Variants in DOCK4 observed in about 807,000 individuals in gnomAD.
DOCK4 encodes the protein dedicator of cytokinesis 4.
In DOCK4, 97 loss-of-function variants were observed where a neutral mutation model predicts 268.1. The observed-to-expected ratio is 0.36, with a 90% CI of 0.31 to 0.43. The LOEUF (loss-of-function observed/expected upper bound fraction) is 0.43. Among genes scored for constraint, DOCK4 ranks in the 20% least tolerant of loss-of-function variants. DOCK4 has a pLI of 1.00. For missense variants in DOCK4, 2,145 were observed against 2,455.7 expected, an observed-to-expected ratio of 0.87 and a Z score of 2.67; for synonymous variants, 954 against 887.2, an observed-to-expected ratio of 1.08 and a Z score of -1.34.
intron 1 of DOCK4, among the ~76,000 whole-genome samples, chr7:112,129,512 A>G (rs1434995262): frequency 3.9e-5 from 6 of 152,152 alleles, no homozygotes. Flanking sequence ...ACACACACAC[A>G]TTAGTGTGTG....
intron 27 of DOCK4, among the ~76,000 whole-genome samples, chr7:111,813,833 T>G (rs1192548913): frequency 6.6e-6 from 1 of 152,214 alleles, no homozygotes; most frequent in African/African-American, 2.4e-5. Context: ...TATATGAAAC[T>G]GAAGCTGAAT....
At chr7:111,844,248 C>T (rs1803920478) in intron 25 of DOCK4, among the ~76,000 whole-genome samples, 1 of 152,198 alleles carries the variant, frequency 6.6e-6, no homozygotes, top group South Asian at 2.1e-4. Flanking sequence ...CGCACTCCAA[C>T]CTGGGAGACA....
intron 1 of DOCK4, among the ~76,000 whole-genome samples, chr7:112,149,512 T>A (rs571778277): frequency 6.8e-6 from 1 of 146,710 alleles, no homozygotes; most frequent in South Asian, 2.1e-4. Flanking sequence ...TAAAGAGGTT[T>A]AAAAAAAAAA....
chr7:111,900,698 G>A (rs770899578), intron 14 of DOCK4, among the ~76,000 whole-genome samples, 162 bp from the exon 15 acceptor site: 92 of 152,200 alleles, frequency 6.0e-4, no homozygotes, highest in Non-Finnish European at 1.2e-3. Flanking sequence ...GCTGCTTAGC[G>A]GGGTGTATCT....
At chr7:112,064,873 G>A (rs749513205) in intron 1 of DOCK4, among the ~76,000 whole-genome samples, 9 of 152,166 alleles carry the variant, frequency 5.9e-5, no homozygotes, top group Non-Finnish European at 8.8e-5. Context: ...TATGTACACA[G>A]AGGGAGAACC....
intron 13 of DOCK4, among the ~76,000 whole-genome samples, chr7:111,904,021 A>C (rs1485944137): frequency 6.6e-6 from 1 of 152,292 alleles, no homozygotes; most frequent in African/African-American, 2.4e-5. Flanking sequence ...ATAAAGACTA[A>C]GTGTTTCTTG....
Position 111,746,316 on chromosome 7 carries a change from G to T in DOCK4, c.4677+18C>A. ...TATCCAGGCAAAATAGAAGGGGGTTGGCTTCTGCTTCCCTTACCTGCTCAA... is the reference window on the plus strand; with the variant it reads ...TATCCAGGCAAAATAGAAGGGGGTTTGCTTCTGCTTCCCTTACCTGCTCAA... On this transcript the variant is annotated intron_variant, in intron 44 of 52. Transcript: ENST00000428084. 6.2e-7 allele frequency: 1 copy of T among 1,604,980 alleles called. No individual in the cohort carries two copies.
chr7:111,821,239 G>C (rs1255102158), intron 27 of DOCK4: 4 of 152,104 alleles, frequency 2.6e-5, no homozygotes, highest in African/African-American at 9.7e-5. Flanking sequence ...CACCATCAAA[G>C]CTTGCCATCT....
chr7:111,864,239 TA>T (rs1390232658), intron 22 of DOCK4, among the ~76,000 whole-genome samples: 2 of 125,292 alleles, frequency 1.6e-5, no homozygotes, highest in African/African-American at 3.4e-5. Flanking sequence ...ACAATATTTT[TA>T]TGTAAAAAAA....
chr7:112,146,781 C>T (rs7782519), intron 1 of DOCK4, among the ~76,000 whole-genome samples: 22,261 of 152,084 alleles, frequency 0.15, 2,141 homozygotes, highest in Non-Finnish European at 0.22. Context: ...ATCTAGGAGG[C>T]TTCGATATCT....
At chr7:112,126,620 C>A (rs1349900642) in intron 1 of DOCK4, among the ~76,000 whole-genome samples, 1 of 152,138 alleles carries the variant, frequency 6.6e-6, no homozygotes, top group African/African-American at 2.4e-5. Flanking sequence ...AGTCAACAGG[C>A]AACCTACAAA....
At chr7:112,106,758 C>G (rs1291538677) in intron 1 of DOCK4, among the ~76,000 whole-genome samples, 4 of 152,108 alleles carry the variant, frequency 2.6e-5, no homozygotes, top group Non-Finnish European at 5.9e-5. Context: ...ATGAAGATTC[C>G]TGTGCGGATT....
At chr7:112,037,621 T>G (rs993340521) in intron 1 of DOCK4, among the ~76,000 whole-genome samples, 7 of 152,256 alleles carry the variant, frequency 4.6e-5, no homozygotes, top group Non-Finnish European at 7.3e-5. Flanking sequence ...ATTGTGTATA[T>G]TAATAGTCCT....
chr7:112,102,629 G>A (rs1810800410), intron 1 of DOCK4, among the ~76,000 whole-genome samples: 1 of 152,084 alleles, frequency 6.6e-6, no homozygotes, highest in African/African-American at 2.4e-5. Flanking sequence ...AACATGTGAG[G>A]ACACAGTGAG....
chr7:111,913,712 AT>A (rs754312104), intron 13 of DOCK4, among the ~76,000 whole-genome samples: 582 of 137,266 alleles, frequency 4.2e-3, no homozygotes, highest in South Asian at 0.016. Context: ...CCCGGCCACA[AT>A]TTTTTTTTTT....
intron 16 of DOCK4, among the ~76,000 whole-genome samples, chr7:111,892,313 G>A (rs1330928168): frequency 6.6e-6 from 1 of 152,138 alleles, no homozygotes; most frequent in Non-Finnish European, 1.5e-5. Context: ...CAATCCTCCT[G>A]CCTCAGCCTC....
At chr7:112,164,814 T>C (rs1817447288) in intron 1 of DOCK4, among the ~76,000 whole-genome samples, 1 of 152,228 alleles carries the variant, frequency 6.6e-6, no homozygotes, top group Non-Finnish European at 1.5e-5. Flanking sequence ...AAGGCTTAAA[T>C]ACCTAGTAAG....
chr7:111,734,740 T>G (rs1418987016), intron 51 of DOCK4, among the ~76,000 whole-genome samples: 1 of 152,078 alleles, frequency 6.6e-6, no homozygotes, highest in Non-Finnish European at 1.5e-5. Context: ...AATGAAGTGG[T>G]TCAAAGTGAA....
intron 1 of DOCK4, among the ~76,000 whole-genome samples, chr7:112,203,861 ACACACG>A (rs956005090): frequency 4.7e-5 from 6 of 128,012 alleles, no homozygotes; most frequent in Non-Finnish European, 1.0e-4. Flanking sequence ...ACACACACAC[ACACACG>A]CCTAACAGAT....
Sources: gnomAD v4.1 joint callset for allele counts (sites outside exome capture counted in the v4.1 genomes callset) on GRCh38, gnomAD v4.1.1 for gene constraint, MANE v1.5 for transcripts, NCBI Gene and HGNC (gene_info 2026-07-23, HGNC 2026-07-21) for gene names.